Variants in EPHA6 observed in about 807,000 individuals in gnomAD.
EPHA6 encodes the protein EPH receptor A6, also known as ephrin type-A receptor 6.
Under a neutral mutation model 112.0 loss-of-function variants are expected in EPHA6, and 50 were observed. That is an observed-to-expected ratio of 0.45 (90% CI 0.36 to 0.56). EPHA6 has a LOEUF of 0.56. EPHA6 is among the 20% of genes least tolerant of loss of function. The pLI is 0.00. For synonymous variants in EPHA6, 529 were observed against 490.7 expected, an observed-to-expected ratio of 1.08 and a Z score of -1.03; for missense variants, 1,280 against 1,417.4, an observed-to-expected ratio of 0.90 and a Z score of 1.56.
chr3:97,631,577 T>G (rs1395700861), intron 13 of EPHA6, among the ~76,000 whole-genome samples: 2 of 152,050 alleles, frequency 1.3e-5, no homozygotes, highest in Non-Finnish European at 2.9e-5. Flanking sequence ...GGACCAAATT[T>G]CCATTACTTC....
chr3:97,496,479 G>A (rs977481601), intron 10 of EPHA6, among the ~76,000 whole-genome samples: 1 of 152,130 alleles, frequency 6.6e-6, no homozygotes, highest in Non-Finnish European at 1.5e-5. Context: ...GAACCAGCTT[G>A]TAATAGTGAA....
intron 15 of EPHA6, among the ~76,000 whole-genome samples, chr3:97,735,174 T>C (rs952195968): frequency 1.3e-5 from 2 of 152,050 alleles, no homozygotes; most frequent in Non-Finnish European, 2.9e-5. Flanking sequence ...GTATTTCAAG[T>C]GCTCACTAAC....
At chr3:97,201,728 G>A (rs1229653497) in intron 3 of EPHA6, among the ~76,000 whole-genome samples, 1 of 152,024 alleles carries the variant, frequency 6.6e-6, no homozygotes, top group Non-Finnish European at 1.5e-5. Context: ...CACTGCCTTA[G>A]TGTTCTCATC....
At chr3:97,696,731 C>T (rs545634145) in intron 14 of EPHA6, among the ~76,000 whole-genome samples, 3 of 152,046 alleles carry the variant, frequency 2.0e-5, no homozygotes, top group African/African-American at 7.3e-5. Context: ...ATGGTCCAAG[C>T]GTTGCTACAT....
chr3:97,729,898 T>C (rs552057960), intron 15 of EPHA6, among the ~76,000 whole-genome samples: 2 of 152,212 alleles, frequency 1.3e-5, no homozygotes, highest in East Asian at 3.9e-4. Context: ...ATTATAGGTT[T>C]TCCACAAAGA....
chr3:97,372,366 C>T (rs547152847), intron 5 of EPHA6, among the ~76,000 whole-genome samples: 2 of 152,120 alleles, frequency 1.3e-5, no homozygotes, highest in Non-Finnish European at 2.9e-5. Context: ...TTTGTACAGT[C>T]CCTTTGGTGA....
At chr3:97,237,318 C>T (rs2078708853) in intron 4 of EPHA6, among the ~76,000 whole-genome samples, 1 of 151,900 alleles carries the variant, frequency 6.6e-6, no homozygotes, top group Admixed American at 6.6e-5. Flanking sequence ...GAATAGACAC[C>T]TATATGTAAT....
intron 3 of EPHA6, among the ~76,000 whole-genome samples, chr3:97,012,473 G>C (rs2044120803): frequency 1.3e-5 from 2 of 149,988 alleles, no homozygotes; most frequent in Admixed American, 1.3e-4. Context: ...ACAAGTGTGT[G>C]CCACCTGCCC....
intron 1 of EPHA6, among the ~76,000 whole-genome samples, chr3:96,860,748 A>G (rs562320907): frequency 6.6e-6 from 1 of 152,232 alleles, no homozygotes; most frequent in East Asian, 1.9e-4. Flanking sequence ...AAAATCTAAG[A>G]CTATAGCCAA....
chr3:96,897,030 A>G (rs2038309298), intron 2 of EPHA6, among the ~76,000 whole-genome samples: 1 of 152,162 alleles, frequency 6.6e-6, no homozygotes, highest in African/African-American at 2.4e-5. Context: ...ATCTTTAGAA[A>G]TATATTTTAT....
chr3:96,973,387 C>A (rs948709922), intron 2 of EPHA6, among the ~76,000 whole-genome samples: 35 of 152,166 alleles, frequency 2.3e-4, no homozygotes, highest in Middle Eastern at 3.4e-3. Flanking sequence ...ATACATATAA[C>A]TTATTCTTTA....
intron 11 of EPHA6, among the ~76,000 whole-genome samples, chr3:97,585,169 T>A (rs2093476947): frequency 6.6e-6 from 1 of 152,186 alleles, no homozygotes. Flanking sequence ...AAAAATTATG[T>A]AAATAGACTT....
chr3:97,018,651 G>A (rs1318464502), intron 3 of EPHA6, among the ~76,000 whole-genome samples: 1 of 152,224 alleles, frequency 6.6e-6, no homozygotes, highest in South Asian at 2.1e-4. Flanking sequence ...AGAGCCAGGT[G>A]TACAGGATGG....
intron 11 of EPHA6, among the ~76,000 whole-genome samples, chr3:97,584,239 C>A (rs2093467817): frequency 1.3e-5 from 2 of 152,248 alleles, no homozygotes; most frequent in African/African-American, 4.8e-5. Flanking sequence ...CTACCATGCA[C>A]AAGATCTGGG....
At chr3:96,925,073 C>G (rs1031720576) in intron 2 of EPHA6, among the ~76,000 whole-genome samples, 2 of 152,164 alleles carry the variant, frequency 1.3e-5, no homozygotes. Flanking sequence ...CATCAATGTT[C>G]ATCAAGGATA....
chr3:96,984,141 A>G (rs941696973), intron 2 of EPHA6, among the ~76,000 whole-genome samples: 2 of 151,816 alleles, frequency 1.3e-5, no homozygotes, highest in African/African-American at 4.8e-5. Flanking sequence ...GGTTTTTAGA[A>G]TTTTCAGCTT....
chr3:97,056,873 C>T (rs536767218), intron 3 of EPHA6, among the ~76,000 whole-genome samples: 12 of 152,240 alleles, frequency 7.9e-5, no homozygotes, highest in African/African-American at 2.4e-4. Flanking sequence ...TTTCATAATA[C>T]ATTACACACA....
chr3:97,745,531 C>G (rs2035676072), intron 16 of EPHA6: 1 of 319,900 alleles, frequency 3.1e-6, no homozygotes, highest in South Asian at 2.6e-5. Context: ...GATAACCAGA[C>G]CCAATATTGA....
intron 3 of EPHA6, among the ~76,000 whole-genome samples, chr3:97,167,099 C>A (rs1170773959): frequency 2.6e-5 from 4 of 152,038 alleles, no homozygotes; most frequent in Admixed American, 2.6e-4. Context: ...TTCATGTATG[C>A]AAAATGCTGT....
Sources: gnomAD v4.1 joint callset for allele counts (sites outside exome capture counted in the v4.1 genomes callset) on GRCh38, gnomAD v4.1.1 for gene constraint, MANE v1.5 for transcripts, NCBI Gene and HGNC (gene_info 2026-07-23, HGNC 2026-07-21) for gene names.